The following WASF3 variants were observed in gnomAD, a reference collection of about 807,000 sequenced individuals.
WASF3 encodes the protein actin-binding protein WASF3.
Under a neutral mutation model 46.6 loss-of-function variants are expected in WASF3, and 11 were observed. The ratio of observed to expected loss-of-function variants is 0.24; its 90% CI spans 0.15 to 0.39. WASF3 has a LOEUF of 0.39. Ranked by LOEUF, WASF3 falls within the 10% of genes least tolerant of loss-of-function variation. The pLI is 1.00. For missense variants in WASF3, 576 were observed against 669.8 expected (o/e 0.86, Z 1.55); for synonymous variants, 242 against 259.7 (o/e 0.93, Z 0.65).
chr13:26,635,925 C>T (rs1430768860), intron 2 of WASF3, among the ~76,000 whole-genome samples: 2 of 152,236 alleles, frequency 1.3e-5, no homozygotes, highest in Non-Finnish European at 2.9e-5. Context: ...TGTCTATCAG[C>T]CCCTTCTGGG....
rs748597431 is a variant in WASF3 at position 26,685,857 on chromosome 13, C to T, written c.*12C>T. On this transcript the variant is annotated 3_prime_UTR_variant, in exon 10 of 10. Coordinates refer to ENST00000335327, the MANE Select transcript of WASF3 (RefSeq NM_006646.6). ...ACTGGTCCGACTGAGCAAAGGCCGG[C>T]GGAGAGGCCGCGTGTGGGAGCGTGT... The T allele has an allele frequency of 6.2e-6, 10 of 1,608,310 alleles. No homozygotes were observed. Among genetic ancestry groups the T allele is most frequent in the Admixed American group, 1.7e-5 (1 of 59,934 alleles).
At chr13:26,621,322 C>T (rs1440816694) in intron 2 of WASF3, among the ~76,000 whole-genome samples, 1 of 152,178 alleles carries the variant, frequency 6.6e-6, no homozygotes, top group Non-Finnish European at 1.5e-5. Flanking sequence ...TGAAAACACA[C>T]TGAATGTTTG....
At chr13:26,668,515 G>C (rs1366448427) in intron 5 of WASF3, among the ~76,000 whole-genome samples, 2 of 152,188 alleles carry the variant, frequency 1.3e-5, no homozygotes, top group Admixed American at 6.5e-5. Flanking sequence ...CCTTCCAGGA[G>C]CCTGCGAGTT....
At chr13:26,570,280 C>G (rs993157181) in intron 1 of WASF3, among the ~76,000 whole-genome samples, 2 of 152,108 alleles carry the variant, frequency 1.3e-5, no homozygotes, top group Admixed American at 6.5e-5. Flanking sequence ...AAGAGCAAAA[C>G]TGCGTCTCAA....
the WASF3 span, among the ~76,000 whole-genome samples, chr13:26,544,811 C>G: frequency 6.6e-6 from 1 of 152,218 alleles, no homozygotes; most frequent in Non-Finnish European, 1.5e-5. Context: ...GAAGACCACA[C>G]TGTGGCCTGG....
chr13:26,670,508 G>A (rs1456535333), intron 5 of WASF3, among the ~76,000 whole-genome samples: 11 of 152,036 alleles, frequency 7.2e-5, no homozygotes, highest in African/African-American at 2.2e-4. Context: ...AAAAAAGAAC[G>A]TATCTGTTTA....
intron 1 of WASF3, among the ~76,000 whole-genome samples, chr13:26,586,578 T>G (rs1880133989): frequency 6.6e-6 from 1 of 152,218 alleles, no homozygotes; most frequent in South Asian, 2.1e-4. Flanking sequence ...TTCTTCTTTT[T>G]CAGAATTGTC....
intron 2 of WASF3, among the ~76,000 whole-genome samples, chr13:26,629,925 T>G (rs541816): frequency 0.31 from 46,704 of 151,984 alleles, 7,627 homozygotes; most frequent in East Asian, 0.57. Flanking sequence ...GGGCCTTGCC[T>G]TTGATTCTCC....
At chr13:26,678,917 T>C (rs575201279) in intron 7 of WASF3, among the ~76,000 whole-genome samples, 1 of 152,304 alleles carries the variant, frequency 6.6e-6, no homozygotes, top group African/African-American at 2.4e-5. Flanking sequence ...CTGTGCCTAC[T>C]TCCTCCCGTG....
chr13:26,655,400 T>G (rs1882437412), intron 3 of WASF3, among the ~76,000 whole-genome samples: 1 of 152,174 alleles, frequency 6.6e-6, no homozygotes, highest in African/African-American at 2.4e-5. Flanking sequence ...ATTAGGAAGC[T>G]CATGTGTCTG....
intron 1 of WASF3, among the ~76,000 whole-genome samples, chr13:26,602,404 T>C (rs1367344461): frequency 2.0e-5 from 3 of 152,248 alleles, no homozygotes; most frequent in Non-Finnish European, 4.4e-5. Context: ...CTTGTTTTTG[T>C]TCGTTTGTAT....
chr13:26,648,716 G>T (rs989005221), intron 3 of WASF3, among the ~76,000 whole-genome samples: 2 of 152,134 alleles, frequency 1.3e-5, no homozygotes, highest in Admixed American at 1.3e-4. Flanking sequence ...TTTTAATGCT[G>T]CAAACTTATT....
intron 3 of WASF3, among the ~76,000 whole-genome samples, chr13:26,661,410 T>C (rs1047976131): frequency 7.2e-5 from 11 of 152,244 alleles, no homozygotes; most frequent in African/African-American, 2.7e-4. Flanking sequence ...TAGCCTAATG[T>C]CATCCTCAAG....
At chr13:26,631,488 G>A (rs1881650687) in intron 2 of WASF3, among the ~76,000 whole-genome samples, 1 of 152,186 alleles carries the variant, frequency 6.6e-6, no homozygotes, top group Admixed American at 6.5e-5. Context: ...TTGTAGATGT[G>A]TGGTGTTATT....
rs568567304 is a variant in WASF3, at chr13:26,606,373, G to A, written c.-108-6588G>A. 1.1e-3 allele frequency among the ~76,000 whole-genome samples: 144 copies of A among 132,378 alleles called. 1 individual carries two copies. The highest frequency in any genetic ancestry group is 3.8e-3 in the African/African-American group (135 of 35,544). 86.8% of individuals were successfully genotyped at this position (132,378 alleles called of 152,430 possible). A position where few individuals can be genotyped will look rare whatever the true frequency, so the allele number is the denominator to read the frequency against. ...GTGTGTGTGTGTGTGTGTCTGTGGC[G>A]GGGACAGGATCTCACTCTGTTACCT... On this transcript the variant is annotated intron_variant, in intron 1 of 9. Coordinates refer to ENST00000335327, the MANE Select transcript of WASF3 (RefSeq NM_006646.6).
intron 3 of WASF3, among the ~76,000 whole-genome samples, chr13:26,653,498 G>A (rs1160309609): frequency 1.3e-5 from 2 of 152,068 alleles, no homozygotes; most frequent in East Asian, 3.9e-4. Flanking sequence ...CCAGTGACTC[G>A]CATGCTGCTA....
chr13:26,618,615 A>C (rs1881213686), intron 2 of WASF3, among the ~76,000 whole-genome samples: 2 of 151,958 alleles, frequency 1.3e-5, no homozygotes, highest in African/African-American at 4.8e-5. Context: ...CTCCATATAT[A>C]TATTTATCTT....
chr13:26,582,483 C>G (rs1195416452), intron 1 of WASF3, among the ~76,000 whole-genome samples: 4 of 151,884 alleles, frequency 2.6e-5, no homozygotes, highest in African/African-American at 9.7e-5. Context: ...CGAGAACAGC[C>G]TGGGCAACAC....
At chr13:26,620,538 C>T (rs141507641) in intron 2 of WASF3, 1 of 152,074 alleles carries the variant, frequency 6.6e-6, no homozygotes, top group African/African-American at 2.4e-5. Flanking sequence ...AGTTGTAGAA[C>T]AGCAGCTTTT....
Sources: gnomAD v4.1 joint callset for allele counts (sites outside exome capture counted in the v4.1 genomes callset) on GRCh38, gnomAD v4.1.1 for gene constraint, MANE v1.5 for transcripts, NCBI Gene and HGNC (gene_info 2026-07-23, HGNC 2026-07-21) for gene names.